MSH3: variants seen among roughly 807,000 people sequenced by gnomAD.
MSH3 encodes the protein mutS homolog 3.
In MSH3, 106 loss-of-function variants were observed where a neutral mutation model predicts 123.3. That is an observed-to-expected ratio of 0.86 (90% CI 0.73 to 1.01). MSH3 has a LOEUF of 1.01. MSH3 is among the 50% of genes least tolerant of loss of function. MSH3 has a pLI of 0.00. For synonymous variants in MSH3, 515 were observed against 481.4 expected (o/e 1.07, Z -0.91); for missense variants, 1,459 against 1,347.6 (o/e 1.08, Z -1.29).
At chr5:80,845,148 C>T (rs1275756638) in intron 20 of MSH3, among the ~76,000 whole-genome samples, 2 of 152,102 alleles carry the variant, frequency 1.3e-5, no homozygotes, top group South Asian at 4.1e-4. Flanking sequence ...TTTACTTCTC[C>T]CCCACATATG....
At chr5:80,873,342 CAAGA>C in intron 23 of MSH3, 55 bp downstream of exon 23, 1 of 1,580,906 alleles carries the variant, frequency 6.3e-7, no homozygotes, top group Non-Finnish European at 8.7e-7. Flanking sequence ...CTAAGTTGTC[CAAGA>C]AAGAGAGGAG....
At position 80,741,344 on chromosome 5, in the gene MSH3, AT is replaced by A. The variant is rs55923413; in HGVS notation, c.1569-116del. The A allele has an allele frequency of 2.4e-5, 17 of 721,048 alleles. No individual in the cohort carries two copies. In the South Asian group the frequency reaches 2.5e-4, roughly 11 times the overall value. 44.7% of individuals were successfully genotyped at this position (721,048 alleles called of 1,614,324 possible). On this transcript the variant is annotated intron_variant, in intron 10 of 23. Transcript: ENST00000265081. Reference sequence around the variant, plus strand: ...ATTTTCATTTTGCTCCTTTTGTTTGATTTTCTATCAGAATGCTAATTTTTGC... The same window carrying A: ...ATTTTCATTTTGCTCCTTTTGTTTGATTTCTATCAGAATGCTAATTTTTGC...
chr5:80,840,501 C>T (rs1437226968), intron 20 of MSH3, among the ~76,000 whole-genome samples: 1 of 152,092 alleles, frequency 6.6e-6, no homozygotes, highest in Non-Finnish European at 1.5e-5. Flanking sequence ...GCAAACTCCG[C>T]CTCCCAGGTT....
At chr5:80,850,454 G>T (rs1228876604) in intron 20 of MSH3, among the ~76,000 whole-genome samples, 1 of 152,196 alleles carries the variant, frequency 6.6e-6, no homozygotes, top group African/African-American at 2.4e-5. Flanking sequence ...AAAGAAAGAG[G>T]TTTACTGGAC....
intron 19 of MSH3, among the ~76,000 whole-genome samples, chr5:80,803,058 A>G (rs1744820484): frequency 7.1e-6 from 1 of 140,074 alleles, no homozygotes; most frequent in Admixed American, 7.5e-5. Flanking sequence ...TCTCTTCAAT[A>G]TACTGATTTC....
chr5:80,780,654 G>A (rs1161734904), intron 17 of MSH3, among the ~76,000 whole-genome samples: 1 of 152,114 alleles, frequency 6.6e-6, no homozygotes, highest in Non-Finnish European at 1.5e-5. Flanking sequence ...ATCACTTGAG[G>A]CCAAGAATTC....
Position 80,794,957 on chromosome 5 carries a change from A to G in MSH3, c.2655+2113A>G, listed in dbSNP as rs186421253. Reference sequence around the variant, plus strand: ...CAAATGAGAGAGCTGCAGGGGAATAACAAACAGCCAGCCAGTTTTCATTTT... The same window carrying G: ...CAAATGAGAGAGCTGCAGGGGAATAGCAAACAGCCAGCCAGTTTTCATTTT... On this transcript the variant is annotated intron_variant, in intron 19 of 23. Transcript: ENST00000265081. 1.3e-4 allele frequency among the ~76,000 whole-genome samples: 20 copies of G among 152,320 alleles called. No individual in the cohort carries two copies. In the East Asian group the frequency reaches 3.3e-3, roughly 25 times the overall value.
chr5:80,846,206 T>C (rs554992042), intron 20 of MSH3, among the ~76,000 whole-genome samples: 2 of 152,280 alleles, frequency 1.3e-5, no homozygotes, highest in Non-Finnish European at 2.9e-5. Context: ...CTCCAGACCC[T>C]CTTTGCCTGG....
intron 20 of MSH3, among the ~76,000 whole-genome samples, chr5:80,824,923 A>T (rs1017313153): frequency 1.3e-5 from 2 of 152,114 alleles, no homozygotes; most frequent in African/African-American, 4.8e-5. Context: ...ACTGCCCTTT[A>T]GTATATGGGA....
intron 8 of MSH3, among the ~76,000 whole-genome samples, chr5:80,713,793 A>G (rs1008970944): frequency 2.9e-5 from 2 of 69,560 alleles, no homozygotes; most frequent in Non-Finnish European, 5.8e-5. Flanking sequence ...GTCGCCTGCT[A>G]TTCTTAAGTC....
intron 19 of MSH3, among the ~76,000 whole-genome samples, chr5:80,802,442 A>G (rs552732973): frequency 6.6e-6 from 1 of 151,756 alleles, no homozygotes; most frequent in African/African-American, 2.4e-5. Context: ...TTGGGGGCAC[A>G]TAGTAGGTGT....
chr5:80,713,214 G>C (rs1399083509), intron 8 of MSH3, among the ~76,000 whole-genome samples: 1 of 152,148 alleles, frequency 6.6e-6, no homozygotes, highest in African/African-American at 2.4e-5. Context: ...TTTGATGCCA[G>C]AGAGTCACCA....
At chr5:80,860,728 C>G (rs1746002430) in intron 21 of MSH3, among the ~76,000 whole-genome samples, 1 of 151,980 alleles carries the variant, frequency 6.6e-6, no homozygotes, top group African/African-American at 2.4e-5. Flanking sequence ...GGGAAATTCT[C>G]AGTCATTATT....
At chr5:80,821,352 C>T (rs32986) in intron 20 of MSH3, among the ~76,000 whole-genome samples, 37,151 of 152,108 alleles carry the variant, frequency 0.24, 4,846 homozygotes, top group Non-Finnish European at 0.3. Context: ...CCCTGCCCCA[C>T]TCAGGATGGC....
chr5:80,744,683 A>C (rs1401167145), intron 12 of MSH3, 68 bp downstream of exon 12: 3 of 1,120,914 alleles, frequency 2.7e-6, no homozygotes, highest in Non-Finnish European at 4.0e-6. Flanking sequence ...GGCATTTTAA[A>C]ACCAAGGTTA....
chr5:80,848,004 G>C (rs1745753868), intron 20 of MSH3, among the ~76,000 whole-genome samples: 1 of 152,198 alleles, frequency 6.6e-6, no homozygotes, highest in Non-Finnish European at 1.5e-5. Flanking sequence ...GGCTGAGGCT[G>C]GTGGATCACT....
intron 22 of MSH3, among the ~76,000 whole-genome samples, chr5:80,872,337 T>G (rs1440587065): frequency 2.6e-5 from 4 of 151,850 alleles, no homozygotes; most frequent in African/African-American, 7.2e-5. Flanking sequence ...TGTGGTAGTA[T>G]GCACCTGTAG....
intron 21 of MSH3, among the ~76,000 whole-genome samples, chr5:80,858,112 A>G (rs966611382): frequency 1.3e-5 from 2 of 151,942 alleles, no homozygotes; most frequent in Non-Finnish European, 1.5e-5. Context: ...TGGCATGAAC[A>G]TAGCCCACTG....
intron 19 of MSH3, among the ~76,000 whole-genome samples, chr5:80,793,807 A>G (rs1249388335): frequency 1.3e-5 from 2 of 152,230 alleles, no homozygotes; most frequent in East Asian, 3.8e-4. Flanking sequence ...AGAGAGTGAT[A>G]GAAGCTGGGT....
Sources: gnomAD v4.1 joint callset for allele counts (sites outside exome capture counted in the v4.1 genomes callset) on GRCh38, gnomAD v4.1.1 for gene constraint, MANE v1.5 for transcripts, NCBI Gene and HGNC (gene_info 2026-07-23, HGNC 2026-07-21) for gene names.